STX17: variants seen among roughly 807,000 people sequenced by gnomAD.
The protein encoded by STX17 is syntaxin 17.
Under a neutral mutation model 35.9 loss-of-function variants are expected in STX17, and 29 were observed. That is an observed-to-expected ratio of 0.81 (90% CI 0.60 to 1.10). The LOEUF (loss-of-function observed/expected upper bound fraction) is 1.10. Among genes scored for constraint, STX17 ranks in the 50% least tolerant of loss-of-function variants. The pLI is 0.00. For missense variants in STX17, 312 were observed against 352.3 expected (o/e 0.89, Z 0.92); for synonymous variants, 92 against 118.3 (o/e 0.78, Z 1.44).
chr9:99,910,932 T>C (rs1203746677), intron 1 of STX17, among the ~76,000 whole-genome samples: 1 of 152,130 alleles, frequency 6.6e-6, no homozygotes, highest in Non-Finnish European at 1.5e-5. Flanking sequence ...GGCTGGCTTC[T>C]AATTTCTGGG....
rs1176820190 is a variant in STX17, at chr9:99,971,694, TTA to T, written c.*3023_*3024del. Among the ~76,000 whole-genome samples, 21 of 152,318 alleles carry T rather than the reference TTA, an allele frequency of 1.4e-4. No homozygotes were observed. In the East Asian group the frequency reaches 4.1e-3, roughly 29 times the overall value. ...TAGGTCTGTTGAGCTACAAAAACTT[TTA>T]TGTCTCTCAGACTATACAGCCTCTA... On this transcript the variant is annotated 3_prime_UTR_variant, in exon 8 of 8. Transcript: ENST00000259400.
intron 2 of STX17, among the ~76,000 whole-genome samples, chr9:99,917,632 C>CATG (rs1828801412): frequency 6.6e-6 from 1 of 152,164 alleles, no homozygotes; most frequent in Admixed American, 6.5e-5. Flanking sequence ...TTTTATTATA[C>CATG]ATGATAAACT....
chr9:99,931,949 T>C (rs1432322143), intron 3 of STX17, among the ~76,000 whole-genome samples: 1 of 152,240 alleles, frequency 6.6e-6, no homozygotes, highest in Non-Finnish European at 1.5e-5. Context: ...TCTGGTGGAC[T>C]TCACTTAAGG....
chr9:99,965,290 G>T (rs1166468363), intron 6 of STX17, among the ~76,000 whole-genome samples: 1 of 152,124 alleles, frequency 6.6e-6, no homozygotes. Context: ...AAAAGTCATA[G>T]AAGTACAATA....
At chr9:99,965,359 C>T (rs1829894164) in intron 6 of STX17, among the ~76,000 whole-genome samples, 1 of 152,186 alleles carries the variant, frequency 6.6e-6, no homozygotes, top group Admixed American at 6.5e-5. Flanking sequence ...TTTACGATTA[C>T]ACTTGGGGTA....
intron 6 of STX17, among the ~76,000 whole-genome samples, chr9:99,966,808 C>T (rs928967132): frequency 6.6e-6 from 1 of 152,174 alleles, no homozygotes; most frequent in Non-Finnish European, 1.5e-5. Flanking sequence ...TGTGTTCCTA[C>T]AGCAAGTAAT....
rs978689892 is a variant in STX17, at chr9:99,928,772, A to G, written c.124-6A>G. On this transcript the variant is annotated splice_polypyrimidine_tract_variant and splice_region_variant and intron_variant, in intron 2 of 7. Transcript: ENST00000259400. ...ATTTAATACCTCCCTTCTTTCTTTT[A>G]TATAGTATCAAAGGTGCAGAATCTG... 6 of 1,612,540 alleles carry G rather than the reference A, an allele frequency of 3.7e-6. No individual in the cohort carries two copies. Among genetic ancestry groups the G allele is most frequent in the Admixed American group, 3.3e-5 (2 of 59,970 alleles).
rs1369909167 is a variant in STX17 at position 99,971,959 on chromosome 9, C to T, written c.*3286C>T. On this transcript the variant is annotated 3_prime_UTR_variant, in exon 8 of 8. Transcript: ENST00000259400. Reference sequence around the variant, plus strand: ...AGGATCACTTGAACTCAGGAGCAGCCTTGGTGACAGAACAAGACCCTCTCT... The same window carrying T: ...AGGATCACTTGAACTCAGGAGCAGCTTTGGTGACAGAACAAGACCCTCTCT... Among the ~76,000 whole-genome samples the T allele has an allele frequency of 6.6e-6, 1 of 152,126 alleles. No individual in the cohort carries two copies. Among genetic ancestry groups the T allele is most frequent in the Non-Finnish European group, 1.5e-5 (1 of 68,020 alleles).
At chr9:99,916,354 A>T (rs1341199005) in intron 2 of STX17, among the ~76,000 whole-genome samples, 2 of 152,118 alleles carry the variant, frequency 1.3e-5, no homozygotes, top group Non-Finnish European at 2.9e-5. Flanking sequence ...TTTCAAAAAG[A>T]CTTTTCCCAG....
intron 2 of STX17, among the ~76,000 whole-genome samples, chr9:99,917,698 T>G (rs1828802776): frequency 6.6e-6 from 1 of 152,212 alleles, no homozygotes; most frequent in Admixed American, 6.5e-5. Flanking sequence ...TCTTGGCTAA[T>G]GTAAGATAGA....
chr9:99,967,440 C>T, intron 6 of STX17: 1 of 403,722 alleles, frequency 2.5e-6, no homozygotes, highest in Non-Finnish European at 4.5e-6. Flanking sequence ...AAAGTTGCCA[C>T]CCTTTTATTA....
At chr9:99,955,494 G>T (rs1829688430) in intron 4 of STX17, among the ~76,000 whole-genome samples, 1 of 151,940 alleles carries the variant, frequency 6.6e-6, no homozygotes, top group Admixed American at 6.6e-5. Flanking sequence ...TAAACTATCA[G>T]AACTGGAAAA....
intron 6 of STX17, among the ~76,000 whole-genome samples, chr9:99,966,260 T>C (rs1049939566): frequency 2.6e-5 from 4 of 152,214 alleles, no homozygotes; most frequent in African/African-American, 9.6e-5. Flanking sequence ...ATAAGGGACT[T>C]TCTTAGGCAT....
intron 3 of STX17, among the ~76,000 whole-genome samples, chr9:99,948,133 C>T (rs1393810703): frequency 6.6e-5 from 10 of 151,972 alleles, no homozygotes; most frequent in Admixed American, 6.6e-4. Flanking sequence ...TAGAGAGATT[C>T]CCTAGTTGCC....
intron 3 of STX17, among the ~76,000 whole-genome samples, chr9:99,935,724 T>G (rs1829220958): frequency 6.6e-6 from 1 of 152,100 alleles, no homozygotes; most frequent in Admixed American, 6.5e-5. Flanking sequence ...ACAGAAGGTG[T>G]TGAGTGTTCT....
intron 3 of STX17, among the ~76,000 whole-genome samples, chr9:99,932,064 C>T (rs771357061): frequency 8.5e-5 from 13 of 152,132 alleles, no homozygotes; most frequent in African/African-American, 1.7e-4. Flanking sequence ...TTTCCCCCTA[C>T]GGCAGGTAGG....
At chr9:99,934,098 C>G (rs1240970049) in intron 3 of STX17, among the ~76,000 whole-genome samples, 2 of 152,122 alleles carry the variant, frequency 1.3e-5, no homozygotes, top group Non-Finnish European at 2.9e-5. Context: ...TGATATAGTA[C>G]CTGCTATCTG....
chr9:99,909,407 T>A (rs1828616571), intron 1 of STX17, among the ~76,000 whole-genome samples: 1 of 152,206 alleles, frequency 6.6e-6, no homozygotes, highest in Admixed American at 6.5e-5. Context: ...ATATTTTAGT[T>A]CAGGCAGCAT....
intron 3 of STX17, 71 bp downstream of exon 3, chr9:99,928,914 T>C (rs1829049418): frequency 7.1e-7 from 1 of 1,399,172 alleles, no homozygotes; most frequent in Non-Finnish European, 1.0e-6. Context: ...TGCTAAAATA[T>C]TACCTTTGCA....
Sources: allele counts gnomAD v4.1 joint callset (sites outside exome capture counted in the v4.1 genomes callset), GRCh38; gene constraint gnomAD v4.1.1; transcripts MANE v1.5; gene names NCBI Gene and HGNC (gene_info 2026-07-23, HGNC 2026-07-21).